The following PPIP5K2 variants were observed in gnomAD, a reference collection of about 807,000 sequenced individuals.
PPIP5K2 encodes the protein diphosphoinositol pentakisphosphate kinase 2, also known as inositol hexakisphosphate and diphosphoinositol-pentakisphosphate kinase 2.
In PPIP5K2, 105 loss-of-function variants were observed where a neutral mutation model predicts 154.6. That is an observed-to-expected ratio of 0.68 (90% CI 0.58 to 0.80). PPIP5K2 has a LOEUF of 0.80. PPIP5K2 is among the 30% of genes least tolerant of loss of function. The pLI is 0.00. For synonymous variants in PPIP5K2, 480 were observed against 490.3 expected (o/e 0.98, Z 0.28); for missense variants, 992 against 1,504.6 (o/e 0.66, Z 5.64).
At chr5:103,131,331 A>G (rs1790571178) in intron 2 of PPIP5K2, among the ~76,000 whole-genome samples, 1 of 152,184 alleles carries the variant, frequency 6.6e-6, no homozygotes. Context: ...TAAATTACTT[A>G]TATCTAATAC....
chr5:103,155,058 T>A, intron 13 of PPIP5K2, 115 bp downstream of exon 13: 1 of 539,782 alleles, frequency 1.9e-6, no homozygotes, highest in Non-Finnish European at 3.0e-6. Flanking sequence ...TCTTTGTTAC[T>A]ATAGTTGAGA....
At chr5:103,192,642 AAG>A (rs539643948) in intron 29 of PPIP5K2, among the ~76,000 whole-genome samples, 39 of 152,278 alleles carry the variant, frequency 2.6e-4, no homozygotes, top group African/African-American at 9.1e-4. Context: ...TATTTACAAA[AAG>A]ATAATATTTT....
chr5:103,186,971 T>A (rs1800484214), intron 27 of PPIP5K2, among the ~76,000 whole-genome samples: 1 of 152,128 alleles, frequency 6.6e-6, no homozygotes. Flanking sequence ...TGGAAGCGTG[T>A]CCCTTTTGTT....
At chr5:103,150,898 A>ATTTTT (rs1202744843) in intron 8 of PPIP5K2, among the ~76,000 whole-genome samples, 1 of 100,486 alleles carries the variant, frequency 1.0e-5, no homozygotes, top group African/African-American at 3.9e-5. Flanking sequence ...GCTAGAGCCA[A>ATTTTT]TTTTTTTTTA....
At chr5:103,194,812 G>T (rs1801803434) in intron 29 of PPIP5K2, 88 bp from the exon 30 acceptor site, 3 of 1,396,494 alleles carry the variant, frequency 2.1e-6, no homozygotes, top group Non-Finnish European at 2.9e-6. Context: ...TATTCGTAGG[G>T]TCACTAAATT....
intron 1 of PPIP5K2, among the ~76,000 whole-genome samples, chr5:103,127,944 GT>G (rs782280181): frequency 1.7e-4 from 23 of 134,290 alleles, no homozygotes; most frequent in African/African-American, 4.8e-4. Context: ...TGTTGTTGTT[GT>G]TTTTTTTTTC....
At chr5:103,124,935 A>C (rs782205275) in intron 1 of PPIP5K2, among the ~76,000 whole-genome samples, 4 of 152,174 alleles carry the variant, frequency 2.6e-5, no homozygotes, top group Non-Finnish European at 4.4e-5. Flanking sequence ...GATATACATA[A>C]CCCAAGCTGT....
Position 103,168,161 on chromosome 5 carries a change from TATG to T in PPIP5K2, c.2155_2157del (p.Asp719del). ...AGACTTTAAAACAAAGAATGGAAGA[TATG>T]ATATTAGTAAAATCCCTGACATATA... On this transcript the variant is annotated inframe_deletion, in exon 19 of 31. Coordinates refer to ENST00000358359, the MANE Select transcript of PPIP5K2 (RefSeq NM_001276277.3). 6.2e-7 allele frequency: 1 copy of T among 1,609,366 alleles called. No individual in the cohort carries two copies. The highest frequency in any genetic ancestry group is 8.5e-7 in the Non-Finnish European group (1 of 1,176,474).
At chr5:103,145,501 A>G (rs1583281779) in intron 5 of PPIP5K2, among the ~76,000 whole-genome samples, 1 of 152,148 alleles carries the variant, frequency 6.6e-6, no homozygotes, top group East Asian at 1.9e-4. Context: ...CTAAGGGTCC[A>G]TTAATGGATG....
intron 1 of PPIP5K2, among the ~76,000 whole-genome samples, chr5:103,128,386 CTTATTTATTTATTTAT>C (rs10607990): frequency 2.0e-5 from 3 of 148,280 alleles, no homozygotes; most frequent in South Asian, 2.1e-4. Context: ...TCTTATAGTT[CTTATTTATTTATTTAT>C]TTATTTATTT....
chr5:103,140,899 G>C (rs565410268), intron 5 of PPIP5K2, among the ~76,000 whole-genome samples: 1 of 150,338 alleles, frequency 6.7e-6, no homozygotes, highest in South Asian at 2.1e-4. Context: ...TTACTAAACA[G>C]AAACTGAGGG....
intron 28 of PPIP5K2, 83 bp downstream of exon 28, chr5:103,187,459 C>T (rs1800577439): frequency 7.5e-6 from 8 of 1,065,638 alleles, no homozygotes; most frequent in African/African-American, 1.6e-5. Context: ...GTGGGGTATA[C>T]AGTATCATTC....
In PPIP5K2 at chr5:103,186,384, A is replaced by G. The variant is rs782205006; in HGVS notation, c.3234A>G (p.Leu1078=). The change falls in exon 27 of 31, where the codon CTA becomes CTG. Residue 1078 remains leucine, a synonymous_variant. Transcript: ENST00000358359. ...VLGGSSSAPN[L]QDYARTHRKK... The stretch of plus-strand genomic sequence containing the variant: ...GGGGTTCTTCAAGCGCACCTAACCT[A>G]CAGGATTATGCTCGTACTCATCGTA... The G allele has an allele frequency of 6.2e-7, 1 of 1,613,898 alleles. No homozygotes were observed. The highest frequency in any genetic ancestry group is 1.1e-5 in the South Asian group (1 of 91,076).
At chr5:103,133,973 C>T (rs1174845471) in intron 3 of PPIP5K2, among the ~76,000 whole-genome samples, 2 of 152,020 alleles carry the variant, frequency 1.3e-5, no homozygotes, top group African/African-American at 4.8e-5. Flanking sequence ...TATACCATAA[C>T]ATATTTAAAT....
rs1178813914 is a variant in PPIP5K2, at chr5:103,158,606, T to C, written c.1737+33T>C. 3 of 1,515,806 alleles carry C rather than the reference T, an allele frequency of 2.0e-6. No individual in the cohort carries two copies. In the Admixed American group the frequency reaches 6.5e-5, roughly 33 times the overall value. The allele number at this position is 1,515,806 out of a possible 1,614,324, so 93.9% of individuals were successfully genotyped here. On this transcript the variant is annotated intron_variant, in intron 16 of 30. Transcript: ENST00000358359. Reference sequence around the variant, plus strand: ...TAATTTTTTTTTAGAATTATTAGAGTTTTTAATCTAATATTGTATCTTAAA... The same window carrying C: ...TAATTTTTTTTTAGAATTATTAGAGCTTTTAATCTAATATTGTATCTTAAA...
intron 25 of PPIP5K2, 161 bp from the exon 26 acceptor site, chr5:103,184,511 A>G (rs1399792612): frequency 7.3e-6 from 4 of 545,898 alleles, no homozygotes; most frequent in Non-Finnish European, 9.6e-6. Context: ...GACTCCCTTC[A>G]AAAGGGGATC....
chr5:103,152,781 A>C (rs1562420432), intron 10 of PPIP5K2, 32 bp downstream of exon 10: 1 of 1,421,868 alleles, frequency 7.0e-7, no homozygotes, highest in Non-Finnish European at 9.8e-7. Context: ...TTAGAAATTG[A>C]GTTTTCCTTG....
chr5:103,127,194 G>A (rs78365093), intron 1 of PPIP5K2, among the ~76,000 whole-genome samples: 260 of 152,198 alleles, frequency 1.7e-3, no homozygotes, highest in African/African-American at 6.0e-3. Flanking sequence ...TTAAAATAAT[G>A]TCATAAAATG....
At chr5:103,158,612 A>T (rs782096495) in intron 16 of PPIP5K2, 39 bp downstream of exon 16, 1 of 1,498,752 alleles carries the variant, frequency 6.7e-7, no homozygotes, top group Non-Finnish European at 8.9e-7. Context: ...AGAGTTTTTA[A>T]TCTAATATTG....
Sources: allele counts gnomAD v4.1 joint callset (sites outside exome capture counted in the v4.1 genomes callset), GRCh38; gene constraint gnomAD v4.1.1; transcripts MANE v1.5; gene names NCBI Gene and HGNC (gene_info 2026-07-23, HGNC 2026-07-21).